Variants in ZNF366 observed in about 807,000 individuals in gnomAD.
The protein encoded by ZNF366 is dendritic cell-specific transcript protein.
Under a neutral mutation model 47.2 loss-of-function variants are expected in ZNF366, and 20 were observed. The ratio of observed to expected loss-of-function variants is 0.42; its 90% CI spans 0.30 to 0.62. The LOEUF is 0.62. Among genes scored for constraint, ZNF366 ranks in the 20% least tolerant of loss-of-function variants. The pLI, the probability that ZNF366 is intolerant of heterozygous loss-of-function variation, is 0.16. For synonymous variants in ZNF366, 421 were observed against 395.1 expected (o/e 1.07, Z -0.78); for missense variants, 987 against 976.3 (o/e 1.01, Z -0.15).
At chr5:72,448,299 G>A (rs1055623314) in intron 3 of ZNF366, among the ~76,000 whole-genome samples, 6 of 152,022 alleles carry the variant, frequency 3.9e-5, no homozygotes, top group Admixed American at 6.6e-5. Flanking sequence ...TTTCTTTCTC[G>A]TCATTCTCTC....
intron 1 of ZNF366, among the ~76,000 whole-genome samples, chr5:72,478,274 C>G (rs1743716981): frequency 1.9e-5 from 2 of 104,736 alleles, no homozygotes; most frequent in South Asian, 8.1e-4. Context: ...ATATACCACC[C>G]CTTCTATGCA....
At chr5:72,476,126 T>C (rs891049150) in intron 1 of ZNF366, among the ~76,000 whole-genome samples, 1 of 152,090 alleles carries the variant, frequency 6.6e-6, no homozygotes, top group Admixed American at 6.6e-5. Context: ...CCCCACTAGA[T>C]CCTAAGTTTC....
At chr5:72,487,158 GT>G (rs1390139796) in intron 1 of ZNF366, among the ~76,000 whole-genome samples, 2 of 152,232 alleles carry the variant, frequency 1.3e-5, no homozygotes, top group East Asian at 3.8e-4. Flanking sequence ...TTGGCTACCA[GT>G]TTAGGCATAT....
At position 72,456,539 on chromosome 5, in the gene ZNF366, G is replaced by C; in HGVS notation, c.1389C>G (p.Asn463Lys). The C allele has an allele frequency of 6.2e-7, 1 of 1,612,980 alleles. No individual in the cohort carries two copies. Among genetic ancestry groups the C allele is most frequent in the South Asian group, 1.1e-5 (1 of 90,956 alleles). The change falls in exon 3 of 5, where the codon AAC becomes AAG. Residue 463 changes from asparagine to lysine, a missense_variant. By Grantham distance (94) the Asn-to-Lys change is moderately conservative. Coordinates refer to ENST00000318442, the MANE Select transcript of ZNF366 (RefSeq NM_152625.3). ...TGTGGATCAGCACGTGTCGCTTCAT[G>C]TTGGCCAGCAGGGTGAACTCCCGCC... ...ICGREFTLLANMKRHVLIHTN... is the reference protein window; with the variant it reads ...ICGREFTLLAKMKRHVLIHTN...
intron 1 of ZNF366, among the ~76,000 whole-genome samples, chr5:72,471,893 C>T (rs1743572949): frequency 6.6e-6 from 1 of 152,036 alleles, no homozygotes; most frequent in South Asian, 2.1e-4. Flanking sequence ...ACTTTGTTGC[C>T]CAGGCTGGTC....
At chr5:72,482,187 A>G (rs1029841888) in intron 1 of ZNF366, among the ~76,000 whole-genome samples, 1 of 152,210 alleles carries the variant, frequency 6.6e-6, no homozygotes, top group Non-Finnish European at 1.5e-5. Flanking sequence ...ACTCGGACTC[A>G]TAAGTAGAGA....
Position 72,461,299 on chromosome 5 carries a change from C to G in ZNF366, c.198G>C (p.Gly66=). 6.2e-7 allele frequency: 1 copy of G among 1,614,050 alleles called. No individual in the cohort carries two copies. Among genetic ancestry groups the G allele is most frequent in the East Asian group, 2.2e-5 (1 of 44,852 alleles). ...RYEPPPGDLD[G]FPGVFEGAGS... Reference sequence around the variant, plus strand: ...CTGCTCCTTCGAAGACCCCGGGGAACCCATCTAGGTCTCCTGGGGGAGGTT... The same window carrying G: ...CTGCTCCTTCGAAGACCCCGGGGAAGCCATCTAGGTCTCCTGGGGGAGGTT... Residue 66 remains glycine (G), a synonymous_variant, in exon 2 of 5, where the codon GGG becomes GGC. Coordinates refer to ENST00000318442, the MANE Select transcript of ZNF366 (RefSeq NM_152625.3).
chr5:72,504,865 C>T (rs10051996), intron 1 of ZNF366, among the ~76,000 whole-genome samples: 27,878 of 152,040 alleles, frequency 0.18, 2,747 homozygotes, highest in East Asian at 0.38. Context: ...ATTATGTTGA[C>T]GCAATTTTAC....
intron 1 of ZNF366, among the ~76,000 whole-genome samples, chr5:72,463,570 C>G (rs572888739): frequency 2.6e-5 from 4 of 152,254 alleles, no homozygotes; most frequent in African/African-American, 9.6e-5. Context: ...TATTGCAATG[C>G]TAGATCTTCT....
chr5:72,485,086 CA>C (rs1239337471), intron 1 of ZNF366, among the ~76,000 whole-genome samples: 1 of 151,346 alleles, frequency 6.6e-6, no homozygotes, highest in Non-Finnish European at 1.5e-5. Flanking sequence ...ATGTAAAATG[CA>C]CACTGGATTT....
intron 3 of ZNF366, among the ~76,000 whole-genome samples, chr5:72,454,111 G>T (rs1400970392): frequency 6.6e-6 from 1 of 152,232 alleles, no homozygotes; most frequent in East Asian, 1.9e-4. Flanking sequence ...TCTCTTATGG[G>T]TTGTGATGGT....
chr5:72,445,912 T>C (rs1014944799), intron 4 of ZNF366, among the ~76,000 whole-genome samples: 4 of 152,250 alleles, frequency 2.6e-5, no homozygotes, highest in African/African-American at 7.2e-5. Flanking sequence ...AGCCCTTTTT[T>C]TGTGACCACA....
chr5:72,472,527 C>A (rs990333904), intron 1 of ZNF366: 3 of 985,114 alleles, frequency 3.0e-6, no homozygotes, highest in Admixed American at 1.2e-4. Context: ...TGGGGACTTG[C>A]AAAATTAGGC....
Position 72,444,289 on chromosome 5 carries a change from G to A in ZNF366, c.1702C>T (p.Leu568=). ...GCCAGGGCGATTCTCCCCCTTCCCA[G>A]ACCTGCAAGAGCAGAGTAAGAATTC... is the stretch of plus-strand genomic sequence containing the variant. ...VMERGLHSQG[L]GRGRIALAQT... Residue 568 remains leucine (L), a splice_region_variant and synonymous_variant, in exon 5 of 5, where the codon CTG becomes TTG. Coordinates refer to ENST00000318442, the MANE Select transcript of ZNF366 (RefSeq NM_152625.3). 2 of 1,606,838 alleles carry A rather than the reference G, an allele frequency of 1.2e-6. No individual in the cohort carries two copies. Among genetic ancestry groups the A allele is most frequent in the Non-Finnish European group, 1.7e-6 (2 of 1,176,356 alleles).
chr5:72,469,876 C>T (rs183812990), intron 1 of ZNF366, among the ~76,000 whole-genome samples: 193 of 152,184 alleles, frequency 1.3e-3, no homozygotes, highest in African/African-American at 4.4e-3. Flanking sequence ...ACAACAGCAA[C>T]AATAACAACA....
At position 72,461,019 on chromosome 5, in the gene ZNF366, C is replaced by T. The variant is rs749692454; in HGVS notation, c.478G>A (p.Val160Met). 4.3e-6 allele frequency: 7 copies of T among 1,613,980 alleles called. No homozygotes were observed. The African/African-American group carries it at 5.3e-5, about 12-fold the overall frequency. Reference sequence around the variant, plus strand: ...GGAGTGGGCGTTGGCTGGGGCCACACGGCGCTGGGCTTAATGGGTTCCTGC... The same window carrying T: ...GGAGTGGGCGTTGGCTGGGGCCACATGGCGCTGGGCTTAATGGGTTCCTGC... ...VKQEPIKPSA[V>M]WPQPTPTPFL... The change falls in exon 2 of 5, where the codon GTG becomes ATG. Residue 160 changes from valine (V) to methionine (M), a missense_variant. Physicochemically the swap from Val to Met is conservative, Grantham distance 21. Coordinates refer to ENST00000318442, the MANE Select transcript of ZNF366 (RefSeq NM_152625.3).
intron 2 of ZNF366, among the ~76,000 whole-genome samples, chr5:72,459,356 C>A (rs1476711742): frequency 6.6e-6 from 1 of 152,120 alleles, no homozygotes; most frequent in South Asian, 2.1e-4. Flanking sequence ...AACTCCCTCT[C>A]GGAGGCTCAG....
At chr5:72,458,859 G>A (rs1561193055) in intron 2 of ZNF366, among the ~76,000 whole-genome samples, 1 of 152,164 alleles carries the variant, frequency 6.6e-6, no homozygotes, top group Non-Finnish European at 1.5e-5. Flanking sequence ...ACTTATTTCA[G>A]ACACCAGGCT....
intron 1 of ZNF366, among the ~76,000 whole-genome samples, chr5:72,504,182 T>A (rs1744274336): frequency 6.6e-6 from 1 of 152,064 alleles, no homozygotes; most frequent in Non-Finnish European, 1.5e-5. Context: ...ACTGTTACAA[T>A]GTTTGAGGAG....
Sources: gnomAD v4.1 joint callset for allele counts (sites outside exome capture counted in the v4.1 genomes callset) on GRCh38, gnomAD v4.1.1 for gene constraint, MANE v1.5 for transcripts, NCBI Gene and HGNC (gene_info 2026-07-23, HGNC 2026-07-21) for gene names.